The following NAV3 variants were observed in gnomAD, a reference collection of about 807,000 sequenced individuals.
The protein encoded by NAV3 is pore membrane and/or filament interacting like protein 1.
NAV3 carries 87 observed loss-of-function variants against 244.7 expected under a neutral mutation model. The observed-to-expected ratio is 0.36, with a 90% CI of 0.30 to 0.42. The LOEUF (loss-of-function observed/expected upper bound fraction) is 0.42. Among genes scored for constraint, NAV3 ranks in the 20% least tolerant of loss-of-function variants. The pLI is 1.00. For missense variants in NAV3, 2,663 were observed against 2,893.3 expected (o/e 0.92, Z 1.83); for synonymous variants, 1,126 against 1,042.2 (o/e 1.08, Z -1.55).
intron 1 of NAV3, among the ~76,000 whole-genome samples, chr12:77,900,201 C>T (rs908636025): frequency 5.9e-5 from 9 of 151,912 alleles, no homozygotes; most frequent in East Asian, 1.9e-4. Flanking sequence ...CTCAGCCTCC[C>T]GAGTAGCTGG....
intron 1 of NAV3, among the ~76,000 whole-genome samples, chr12:77,857,301 A>G (rs2136299410): frequency 6.6e-6 from 1 of 152,226 alleles, no homozygotes; most frequent in African/African-American, 2.4e-5. Flanking sequence ...TGCCTGGAAT[A>G]GCATGCATCT....
At chr12:78,004,844 C>T (rs989806979) in intron 7 of NAV3, among the ~76,000 whole-genome samples, 6 of 152,156 alleles carry the variant, frequency 3.9e-5, no homozygotes, top group African/African-American at 1.2e-4. Flanking sequence ...TGTGTGTACT[C>T]GCCTGAGAAT....
At chr12:78,208,203 G>T (rs930861921) in intron 39 of NAV3, among the ~76,000 whole-genome samples, 2 of 152,074 alleles carry the variant, frequency 1.3e-5, no homozygotes, top group African/African-American at 4.8e-5. Flanking sequence ...GTCACATGGT[G>T]AGAAAAGAAG....
intron 2 of NAV3, among the ~76,000 whole-genome samples, chr12:77,735,924 G>T (rs1373767558): frequency 1.3e-5 from 2 of 152,132 alleles, no homozygotes; most frequent in Admixed American, 1.3e-4. Context: ...CATGGGTTTA[G>T]TCTCCCTGCA....
chr12:77,831,807 C>A (rs1873755626), intron 1 of NAV3, 103 bp downstream of exon 1: 1 of 1,295,432 alleles, frequency 7.7e-7, no homozygotes, highest in Non-Finnish European at 1.0e-6. Flanking sequence ...TAGAGGAATA[C>A]CAGTGTAAGG....
intron 1 of NAV3, among the ~76,000 whole-genome samples, chr12:77,923,719 T>C (rs1334358672): frequency 6.6e-6 from 1 of 152,110 alleles, no homozygotes; most frequent in Non-Finnish European, 1.5e-5. Context: ...AGTGGAAACT[T>C]GACCAACAAA....
At chr12:77,977,689 T>TATACAC (rs1555248293) in intron 5 of NAV3, among the ~76,000 whole-genome samples, 81 of 142,044 alleles carry the variant, frequency 5.7e-4, no homozygotes, top group East Asian at 1.8e-3. Context: ...GATATATATA[T>TATACAC]ACACACACAC....
chr12:78,197,881 T>A (rs1281549551), intron 35 of NAV3, among the ~76,000 whole-genome samples: 1 of 151,830 alleles, frequency 6.6e-6, no homozygotes, highest in East Asian at 1.9e-4. Flanking sequence ...ACTGGAGCCT[T>A]TAGAGCTCTG....
intron 2 of NAV3, among the ~76,000 whole-genome samples, chr12:77,749,132 T>TA (rs1555201090): frequency 6.6e-6 from 1 of 152,224 alleles, no homozygotes; most frequent in Non-Finnish European, 1.5e-5. Context: ...TCTCCCACCT[T>TA]AGTTTTACCC....
intron 2 of NAV3, among the ~76,000 whole-genome samples, chr12:77,746,173 C>T (rs1179586279): frequency 6.6e-6 from 1 of 152,018 alleles, no homozygotes; most frequent in African/African-American, 2.4e-5. Flanking sequence ...ACTTTACCTA[C>T]ATCAGGAGTT....
intron 2 of NAV3, among the ~76,000 whole-genome samples, chr12:77,736,110 A>G (rs997944419): frequency 6.6e-6 from 1 of 152,230 alleles, no homozygotes; most frequent in Non-Finnish European, 1.5e-5. Context: ...ACTTTGTGAG[A>G]TATAGACAAG....
In NAV3 at chr12:78,210,460, C is replaced by T. The variant is rs752366967; in HGVS notation, c.7101C>T (p.Ser2367=). The T allele has an allele frequency of 2.4e-5, 38 of 1,613,624 alleles. 1 individual carries two copies. Among genetic ancestry groups the T allele is most frequent in the South Asian group, 1.2e-4 (11 of 91,080 alleles). The change falls in exon 40 of 40, where the codon AGC becomes AGT. Residue 2367 remains serine, a synonymous_variant. Coordinates refer to ENST00000397909, the MANE Select transcript of NAV3 (RefSeq NM_001024383.2). Reference sequence around the variant, plus strand: ...ACTCGAGCACACAAAGCTGCGACAGCGAAAGCACCAGCCACCATGAAGACA... The same window carrying T: ...ACTCGAGCACACAAAGCTGCGACAGTGAAAGCACCAGCCACCATGAAGACA... ...ANYSSTQSCD[S]ESTSHHEDIL...
intron 1 of NAV3, among the ~76,000 whole-genome samples, chr12:77,917,654 G>C (rs1887287014): frequency 1.3e-5 from 2 of 151,918 alleles, no homozygotes; most frequent in African/African-American, 4.8e-5. Flanking sequence ...ATTTGCCCAT[G>C]TGTGGAGCTA....
At chr12:78,087,197 A>C (rs1953682010) in intron 12 of NAV3, among the ~76,000 whole-genome samples, 1 of 152,016 alleles carries the variant, frequency 6.6e-6, no homozygotes, top group South Asian at 2.1e-4. Context: ...AAGTGGTTCC[A>C]TTGATCTCAC....
intron 2 of NAV3, among the ~76,000 whole-genome samples, chr12:77,712,087 A>T (rs1340254552): frequency 2.0e-5 from 3 of 152,208 alleles, no homozygotes; most frequent in Non-Finnish European, 4.4e-5. Context: ...GTTAAAAGAC[A>T]ACAGGAGTTT....
intron 1 of NAV3, among the ~76,000 whole-genome samples, chr12:77,860,920 G>A (rs1389367182): frequency 6.6e-6 from 1 of 151,798 alleles, no homozygotes; most frequent in African/African-American, 2.4e-5. Flanking sequence ...GATCAATTTG[G>A]CCTGAATTAC....
intron 2 of NAV3, among the ~76,000 whole-genome samples, chr12:77,717,118 A>G (rs1185275276): frequency 1.3e-5 from 2 of 152,064 alleles, no homozygotes; most frequent in Non-Finnish European, 2.9e-5. Flanking sequence ...TTATTTTTCT[A>G]TTGGGGTAAA....
chr12:78,006,599 G>A lies in NAV3; in HGVS notation c.1061G>A (p.Ser354Asn), dbSNP rs1874262937. 1 of 1,614,058 alleles carries A rather than the reference G, an allele frequency of 6.2e-7. No homozygotes were observed. Among genetic ancestry groups the A allele is most frequent in the African/African-American group, 1.3e-5 (1 of 74,984 alleles). Residue 354 changes from serine (S) to asparagine (N), a missense_variant, in exon 8 of 40, where the codon AGT (serine) becomes AAT (asparagine). Coordinates refer to ENST00000397909, the MANE Select transcript of NAV3 (RefSeq NM_001024383.2). ...TSTMLTVKQS[S>N]TATSPTPSSD... ...ACCATGTTGACTGTAAAGCAGTCAA[G>A]TACAGCCACCTCCCCCACACCATCT...
intron 2 of NAV3, among the ~76,000 whole-genome samples, chr12:77,803,252 T>A (rs1871807781): frequency 6.6e-6 from 1 of 152,114 alleles, no homozygotes; most frequent in Non-Finnish European, 1.5e-5. Context: ...ACATTAGGTA[T>A]TTCTCCTAAT....
Sources: gnomAD v4.1 joint callset for allele counts (sites outside exome capture counted in the v4.1 genomes callset) on GRCh38, gnomAD v4.1.1 for gene constraint, MANE v1.5 for transcripts, NCBI Gene and HGNC (gene_info 2026-07-23, HGNC 2026-07-21) for gene names.